The following PTPRD variants were observed in gnomAD, a reference collection of about 807,000 sequenced individuals.
PTPRD encodes receptor-type tyrosine-protein phosphatase delta.
A neutral mutation model predicts 214.5 loss-of-function variants in PTPRD; 34 were observed. The ratio of observed to expected loss-of-function variants is 0.16; its 90% confidence interval spans 0.12 to 0.21. The LOEUF (loss-of-function observed/expected upper bound fraction) is 0.21, where lower values mean the gene tolerates loss of function less well. Among genes scored for constraint, PTPRD ranks in the 10% least tolerant of loss-of-function variants. The probability of loss-of-function intolerance (pLI) is 1.00; values close to 1 mark genes in which losing one functional copy is unlikely to be tolerated. For synonymous variants in PTPRD, 1,128 were observed against 845.7 expected (o/e 1.33, Z -5.79); for missense variants, 2,545 against 2,398.7 (o/e 1.06, Z -1.27).
At chr9:10,275,705 A>G (rs2094643751) in intron 3 of PTPRD, among the ~76,000 whole-genome samples, 1 of 152,178 alleles carries the variant, frequency 6.6e-6, no homozygotes, top group South Asian at 2.1e-4. Context: ...CCTGTCCCAG[A>G]ATTGCAGGAG....
At chr9:9,082,719 C>G (rs2099761052) in intron 10 of PTPRD, among the ~76,000 whole-genome samples, 1 of 152,108 alleles carries the variant, frequency 6.6e-6, no homozygotes. Flanking sequence ...GATACAAAAT[C>G]AACATGCAAA....
At chr9:9,792,945 G>C (rs966013568) in intron 5 of PTPRD, among the ~76,000 whole-genome samples, 2 of 151,958 alleles carry the variant, frequency 1.3e-5, no homozygotes, top group East Asian at 3.9e-4. Flanking sequence ...TAATAGACTT[G>C]GGCAAACAGG....
chr9:8,355,336 A>C (rs1427774746), intron 39 of PTPRD, among the ~76,000 whole-genome samples: 2 of 152,132 alleles, frequency 1.3e-5, no homozygotes, highest in Non-Finnish European at 2.9e-5. Flanking sequence ...AGGCCAAATA[A>C]ACCTCTTTTC....
At chr9:10,241,097 A>T (rs2090950608) in intron 3 of PTPRD, among the ~76,000 whole-genome samples, 2 of 151,942 alleles carry the variant, frequency 1.3e-5, no homozygotes, top group African/African-American at 4.8e-5. Context: ...TCATAAAAAG[A>T]TGCTCAACAT....
At chr9:8,438,367 T>C (rs1192674688) in intron 34 of PTPRD, among the ~76,000 whole-genome samples, 5 of 152,210 alleles carry the variant, frequency 3.3e-5, no homozygotes, top group Non-Finnish European at 5.9e-5. Context: ...TCAGCTAAAA[T>C]TTTAGTGGAG....
At chr9:9,999,521 CT>C (rs1434551953) in intron 4 of PTPRD, among the ~76,000 whole-genome samples, 8 of 152,126 alleles carry the variant, frequency 5.3e-5, no homozygotes, top group Non-Finnish European at 1.0e-4. Context: ...GCATTTGTAA[CT>C]TTGTAGCTTC....
chr9:10,004,410 C>T (rs931145118), intron 4 of PTPRD, among the ~76,000 whole-genome samples: 1 of 151,846 alleles, frequency 6.6e-6, no homozygotes, highest in Admixed American at 6.6e-5. Flanking sequence ...ATAATATTTG[C>T]AGAACCCCAA....
At chr9:10,185,775 T>C (rs1241880948) in intron 3 of PTPRD, among the ~76,000 whole-genome samples, 1 of 152,032 alleles carries the variant, frequency 6.6e-6, no homozygotes, top group African/African-American at 2.4e-5. Flanking sequence ...ACTTGTGGAA[T>C]CTACATATGA....
chr9:8,934,776 C>G (rs1236363755), intron 11 of PTPRD, among the ~76,000 whole-genome samples: 1 of 151,430 alleles, frequency 6.6e-6, no homozygotes, highest in Non-Finnish European at 1.5e-5. Flanking sequence ...GTCTCTCCCA[C>G]TCTCTAGCCC....
intron 2 of PTPRD, among the ~76,000 whole-genome samples, chr9:10,460,854 C>T (rs766083382): frequency 7.9e-5 from 12 of 152,138 alleles, no homozygotes; most frequent in South Asian, 4.1e-4. Flanking sequence ...GGTATCACAC[C>T]AGAAACTTAG....
At chr9:9,546,236 A>T (rs828831) in intron 8 of PTPRD, among the ~76,000 whole-genome samples, 53,635 of 150,968 alleles carry the variant, frequency 0.36, 9,828 homozygotes, top group African/African-American at 0.43. Flanking sequence ...TTGTTGTGGA[A>T]TTTTTGGAAT....
At chr9:10,401,730 A>G (rs2098273096) in intron 2 of PTPRD, among the ~76,000 whole-genome samples, 1 of 150,512 alleles carries the variant, frequency 6.6e-6, no homozygotes, top group South Asian at 2.1e-4. Flanking sequence ...TATCATCTAG[A>G]ATTTCTTCCT....
At chr9:10,124,037 T>C (rs2098796854) in intron 3 of PTPRD, among the ~76,000 whole-genome samples, 1 of 151,984 alleles carries the variant, frequency 6.6e-6, no homozygotes, top group African/African-American at 2.4e-5. Context: ...AACATCTGAG[T>C]TTTATTGCTA....
intron 3 of PTPRD, among the ~76,000 whole-genome samples, chr9:10,142,453 A>C (rs1276148640): frequency 6.6e-6 from 1 of 152,136 alleles, no homozygotes; most frequent in Non-Finnish European, 1.5e-5. Context: ...CTCCATCAAA[A>C]AGTGGGCAAA....
chr9:10,477,065 G>C (rs2099067600), intron 2 of PTPRD, among the ~76,000 whole-genome samples: 1 of 152,122 alleles, frequency 6.6e-6, no homozygotes, highest in Non-Finnish European at 1.5e-5. Context: ...TCAGGACATA[G>C]GCATGGGCAA....
intron 8 of PTPRD, among the ~76,000 whole-genome samples, chr9:9,522,382 A>C (rs2097002375): frequency 6.6e-6 from 1 of 152,158 alleles, no homozygotes; most frequent in Non-Finnish European, 1.5e-5. Flanking sequence ...AAAGATTTCT[A>C]AAGGGAACTA....
intron 12 of PTPRD, among the ~76,000 whole-genome samples, chr9:8,687,888 T>C (rs571343090): frequency 6.6e-6 from 1 of 152,152 alleles, no homozygotes; most frequent in Non-Finnish European, 1.5e-5. Flanking sequence ...GAGGCCTTGG[T>C]TCAAATCTTT....
At position 10,224,735 on chromosome 9, in the gene PTPRD, G is replaced by C. The variant is rs148420329; in HGVS notation, c.-545+116228C>G. Reference sequence around the variant, plus strand: ...TTTCTTCCACTTTCACTTCCACTGAGACAGGAAGACCAACTCTCCTCTTCC... The same window carrying C: ...TTTCTTCCACTTTCACTTCCACTGACACAGGAAGACCAACTCTCCTCTTCC... On this transcript the variant is annotated intron_variant, in intron 3 of 45. Transcript: ENST00000381196. Among the ~76,000 whole-genome samples, 349 of 151,932 alleles carry C rather than the reference G, an allele frequency of 2.3e-3. 2 individuals are homozygous for C. Among genetic ancestry groups the C allele is most frequent in the African/African-American group, 8.0e-3 (333 of 41,470 alleles).
chr9:9,106,814 C>A (rs977806117), intron 10 of PTPRD, among the ~76,000 whole-genome samples: 1 of 151,982 alleles, frequency 6.6e-6, no homozygotes, highest in Non-Finnish European at 1.5e-5. Flanking sequence ...TATCCACCTC[C>A]ATGGATTGGA....
Sources: allele counts gnomAD v4.1 joint callset (sites outside exome capture counted in the v4.1 genomes callset), GRCh38; gene constraint gnomAD v4.1.1; transcripts MANE v1.5; gene names NCBI Gene and HGNC (gene_info 2026-07-23, HGNC 2026-07-21).